The following ARHGAP42 variants were observed in gnomAD, a reference collection of about 807,000 sequenced individuals.
The protein encoded by ARHGAP42 is rho GTPase-activating protein 42.
ARHGAP42 carries 63 observed loss-of-function variants against 125.0 expected under a neutral mutation model. The ratio of observed to expected loss-of-function variants is 0.50; its 90% CI spans 0.41 to 0.62. The LOEUF (loss-of-function observed/expected upper bound fraction) is 0.62. Among genes scored for constraint, ARHGAP42 ranks in the 20% least tolerant of loss-of-function variants. The pLI is 0.00. For synonymous variants in ARHGAP42, 339 were observed against 351.0 expected (o/e 0.97, Z 0.38); for missense variants, 766 against 1,024.2 (o/e 0.75, Z 3.44).
In ARHGAP42 at chr11:100,809,219, C is replaced by T. The variant is rs556351466; in HGVS notation, c.312+14053C>T. 5.9e-5 allele frequency among the ~76,000 whole-genome samples: 9 copies of T among 151,904 alleles called. No homozygotes were observed. The South Asian group carries it at 1.9e-3, about 32-fold the overall frequency. On this transcript the variant is annotated intron_variant, in intron 3 of 23. Transcript: ENST00000298815. Reference sequence around the variant, plus strand: ...AGAAATTGTTTCTAGATAGGATTGTCTAGTTTTTCATTTTAAGACAAGATG... The same window carrying T: ...AGAAATTGTTTCTAGATAGGATTGTTTAGTTTTTCATTTTAAGACAAGATG...
intron 2 of ARHGAP42, among the ~76,000 whole-genome samples, chr11:100,792,617 T>C (rs1233739877): frequency 2.0e-5 from 3 of 152,238 alleles, no homozygotes; most frequent in Admixed American, 6.5e-5. Context: ...AAAACAACTT[T>C]GGCAAAATAA....
intron 12 of ARHGAP42, among the ~76,000 whole-genome samples, chr11:100,959,493 T>C (rs1424507955): frequency 6.6e-6 from 1 of 152,052 alleles, no homozygotes; most frequent in African/African-American, 2.4e-5. Context: ...TACCTCATAA[T>C]GTTTTGAGAA....
chr11:100,923,515 C>T (rs1163990786), intron 6 of ARHGAP42, among the ~76,000 whole-genome samples: 1 of 151,124 alleles, frequency 6.6e-6, no homozygotes, highest in East Asian at 1.9e-4. Flanking sequence ...TGAACTAGAA[C>T]ATTCTGTAAG....
intron 10 of ARHGAP42, among the ~76,000 whole-genome samples, chr11:100,945,722 T>G (rs1394908231): frequency 6.6e-6 from 1 of 152,114 alleles, no homozygotes; most frequent in Non-Finnish European, 1.5e-5. Context: ...AAATATTCAG[T>G]AAACCTTACT....
chr11:100,704,971 C>CTGGG (rs1465507797), intron 1 of ARHGAP42, among the ~76,000 whole-genome samples: 10 of 57,964 alleles, frequency 1.7e-4, no homozygotes, highest in African/African-American at 6.9e-4. Context: ...CTGGGTGAGC[C>CTGGG]TGAGTGAGCC....
At chr11:100,736,593 C>CT (rs1308068258) in intron 1 of ARHGAP42, among the ~76,000 whole-genome samples, 4 of 152,172 alleles carry the variant, frequency 2.6e-5, no homozygotes, top group Admixed American at 2.6e-4. Flanking sequence ...GTCTTTCTCT[C>CT]TTTCTTTTAA....
chr11:100,708,611 G>A (rs1384010967), intron 1 of ARHGAP42, among the ~76,000 whole-genome samples: 1 of 152,074 alleles, frequency 6.6e-6, no homozygotes, highest in Admixed American at 6.6e-5. Flanking sequence ...AAAAGGCAAA[G>A]TAACATCACT....
intron 5 of ARHGAP42, 48 bp from the exon 6 acceptor site, chr11:100,921,446 C>T: frequency 7.5e-7 from 1 of 1,329,078 alleles, no homozygotes; most frequent in Non-Finnish European, 1.0e-6. Flanking sequence ...AATTGAGTCC[C>T]TCTCTATGTA....
At chr11:100,796,094 C>CCA (rs1863704360) in intron 3 of ARHGAP42, among the ~76,000 whole-genome samples, 1 of 152,034 alleles carries the variant, frequency 6.6e-6, no homozygotes, top group Non-Finnish European at 1.5e-5. Context: ...TGGTAACCTG[C>CCA]ATTGAGCAAG....
chr11:100,814,649 C>A (rs1178149424), intron 3 of ARHGAP42, among the ~76,000 whole-genome samples: 1 of 152,122 alleles, frequency 6.6e-6, no homozygotes, highest in African/African-American at 2.4e-5. Flanking sequence ...GAACATCTTA[C>A]ATGGCACAAA....
rs1462948974 is a variant in ARHGAP42, at chr11:100,993,218, C to T, written c.*4417C>T. On this transcript the variant is annotated 3_prime_UTR_variant, in exon 24 of 24. Transcript: ENST00000298815. ...TTTGCATCCAGAGTTGACAACAACTCAATTTTGCCTTGAATTTACTCAGTC... is the reference window on the plus strand; with the variant it reads ...TTTGCATCCAGAGTTGACAACAACTTAATTTTGCCTTGAATTTACTCAGTC... The T allele has an allele frequency of 1.2e-5, 2 of 167,242 alleles. No individual in the cohort carries two copies. Among genetic ancestry groups the T allele is most frequent in the Admixed American group, 6.5e-5 (1 of 15,288 alleles). The allele number at this position is 167,242 out of a possible 1,614,324, so 10.4% of individuals were successfully genotyped here.
At chr11:100,866,973 A>G (rs1237588535) in intron 4 of ARHGAP42, among the ~76,000 whole-genome samples, 2 of 152,214 alleles carry the variant, frequency 1.3e-5, no homozygotes, top group Non-Finnish European at 2.9e-5. Flanking sequence ...GTGATCAGGT[A>G]AATTGGCAAT....
At chr11:100,919,301 T>A (rs1565275641) in intron 5 of ARHGAP42, among the ~76,000 whole-genome samples, 1 of 152,200 alleles carries the variant, frequency 6.6e-6, no homozygotes, top group Non-Finnish European at 1.5e-5. Flanking sequence ...TAAACCGTAT[T>A]GTTTGTACAA....
chr11:100,765,042 G>A (rs576652216), intron 1 of ARHGAP42, among the ~76,000 whole-genome samples: 55 of 152,098 alleles, frequency 3.6e-4, no homozygotes, highest in African/African-American at 1.1e-3. Flanking sequence ...TTTTGGCAAC[G>A]GAGAATGAGA....
intron 3 of ARHGAP42, among the ~76,000 whole-genome samples, chr11:100,849,120 G>GT (rs1287359954): frequency 2.6e-5 from 4 of 152,152 alleles, no homozygotes; most frequent in Non-Finnish European, 5.9e-5. Flanking sequence ...TTAAATGATT[G>GT]TATTTTCTGT....
At chr11:100,945,333 C>G (rs981038966) in intron 10 of ARHGAP42, among the ~76,000 whole-genome samples, 2 of 32,612 alleles carry the variant, frequency 6.1e-5, no homozygotes, top group Non-Finnish European at 1.2e-4. Flanking sequence ...GAGTTGGAAT[C>G]AATTCTTTCA....
At chr11:100,844,345 A>ATTT (rs1199600347) in intron 3 of ARHGAP42, among the ~76,000 whole-genome samples, 3 of 151,940 alleles carry the variant, frequency 2.0e-5, no homozygotes, top group African/African-American at 7.3e-5. Flanking sequence ...CTATAATAAA[A>ATTT]ATTCTAGAAT....
intron 1 of ARHGAP42, among the ~76,000 whole-genome samples, chr11:100,765,237 T>C (rs1862802042): frequency 6.6e-6 from 1 of 152,200 alleles, no homozygotes; most frequent in African/African-American, 2.4e-5. Context: ...GCTGATGCAT[T>C]GTTACATCTT....
chr11:100,938,518 C>T (rs1187057440), intron 8 of ARHGAP42, among the ~76,000 whole-genome samples: 1 of 152,068 alleles, frequency 6.6e-6, no homozygotes, highest in African/African-American at 2.4e-5. Flanking sequence ...GTCTAATTGG[C>T]ATAAATTAAT....
Sources: allele counts gnomAD v4.1 joint callset (sites outside exome capture counted in the v4.1 genomes callset), GRCh38; gene constraint gnomAD v4.1.1; transcripts MANE v1.5; gene names NCBI Gene and HGNC (gene_info 2026-07-23, HGNC 2026-07-21).